The following ZYX variants were observed in gnomAD, a reference collection of about 807,000 sequenced individuals.
ZYX encodes the protein zyxin-2.
In ZYX, 37 loss-of-function variants were observed where a neutral mutation model predicts 58.1. The observed-to-expected ratio is 0.64, with a 90% CI of 0.49 to 0.84. ZYX has a LOEUF of 0.84. Among genes scored for constraint, ZYX ranks in the 40% least tolerant of loss-of-function variants. ZYX has a pLI of 0.00. For synonymous variants in ZYX, 324 were observed against 321.1 expected (o/e 1.01, Z -0.10); for missense variants, 762 against 761.6 (o/e 1.00, Z -0.01).
rs1805046252 is a variant in ZYX, at chr7:143,390,859, C to T, written c.*177C>T. On this transcript the variant is annotated 3_prime_UTR_variant, in exon 10 of 10. Transcript: ENST00000322764. The surrounding 1 kb of genome is among the most constrained non-coding windows in gnomAD (Gnocchi z 4.3). Reference sequence around the variant, plus strand: ...CCAACATGGTCTAGGGATGCAGGATCCCCGCCCTGGGGTCTGGTCCTCGCC... The same window carrying T: ...CCAACATGGTCTAGGGATGCAGGATTCCCGCCCTGGGGTCTGGTCCTCGCC... 1.7e-6 allele frequency: 1 copy of T among 596,906 alleles called. No individual in the cohort carries two copies. The highest frequency in any genetic ancestry group is 2.8e-5 in the Admixed American group (1 of 36,232). The allele number at this position is 596,906 out of a possible 1,614,324, so 37.0% of individuals were successfully genotyped here.
At position 143,390,454 on chromosome 7, in the gene ZYX, A is replaced by G. The variant is rs1448187586; in HGVS notation, c.1615-124A>G. 2 of 729,228 alleles carry G rather than the reference A, an allele frequency of 2.7e-6. No homozygotes were observed. The highest frequency in any genetic ancestry group is 3.5e-5 in the African/African-American group (2 of 56,914). 45.2% of individuals were successfully genotyped at this position (729,228 alleles called of 1,614,324 possible). On this transcript the variant is annotated intron_variant, in intron 9 of 9. Transcript: ENST00000322764. The surrounding 1 kb of genome is among the most constrained non-coding windows in gnomAD (Gnocchi z 4.3). ...GAGTTGGGTGTGGCTGGAAAAAGCGATGACACCAGCTCTGAGCCATGAAGC... is the reference window on the plus strand; with the variant it reads ...GAGTTGGGTGTGGCTGGAAAAAGCGGTGACACCAGCTCTGAGCCATGAAGC...
rs1804995768 is a variant in ZYX at position 143,389,571 on chromosome 7, C to T, written c.1494-286C>T. 6.6e-6 allele frequency among the ~76,000 whole-genome samples: 1 copy of T among 152,162 alleles called. No individual in the cohort carries two copies. Among genetic ancestry groups the T allele is most frequent in the African/African-American group, 2.4e-5 (1 of 41,432 alleles). Reference sequence around the variant, plus strand: ...GGGGTACCTCAGGGCTGGCTTTCTGCAGGAGCTGCAGTGTGAATGGGACAG... The same window carrying T: ...GGGGTACCTCAGGGCTGGCTTTCTGTAGGAGCTGCAGTGTGAATGGGACAG... On this transcript the variant is annotated intron_variant, in intron 8 of 9. Coordinates refer to ENST00000322764, the MANE Select transcript of ZYX (RefSeq NM_003461.5). This position sits in a 1 kb window ranked among gnomAD's most constrained non-coding sequence, Gnocchi z 5.6.
chr7:143,388,050 G>A lies in ZYX; in HGVS notation c.1024-169G>A, dbSNP rs1804930204. On this transcript the variant is annotated intron_variant, in intron 5 of 9. Coordinates refer to ENST00000322764, the MANE Select transcript of ZYX (RefSeq NM_003461.5). The surrounding 1 kb of genome is among the most constrained non-coding windows in gnomAD (Gnocchi z 7.5). ...CTTCCCCTGTTATTTGTGTGGTGCT[G>A]GGGATGGCGGGGGTAGGGGGACGAG... 5.5e-6 allele frequency: 4 copies of A among 721,620 alleles called. No individual in the cohort carries two copies. The highest frequency in any genetic ancestry group is 1.8e-5 in the South Asian group (1 of 54,754). 44.7% of individuals were successfully genotyped at this position (721,620 alleles called of 1,614,324 possible).
Position 143,381,684 on chromosome 7 carries a change from C to T in ZYX, c.113C>T (p.Pro38Leu). Residue 38 changes from proline to leucine, a missense_variant, in exon 2 of 10, where the codon CCC becomes CTC. Transcript: ENST00000322764. Reference protein sequence around the residue: ...PVVAPKPKVNPFRPGDSEPPP... With the variant: ...PVVAPKPKVNLFRPGDSEPPP... Reference sequence around the variant, plus strand: ...GTGGCCCCAAAGCCCAAAGTGAATCCCTTCCGGCCCGGGGACAGCGAGCCT... The same window carrying T: ...GTGGCCCCAAAGCCCAAAGTGAATCTCTTCCGGCCCGGGGACAGCGAGCCT... 2 of 1,609,504 alleles carry T rather than the reference C, an allele frequency of 1.2e-6. No individual in the cohort carries two copies. Among genetic ancestry groups the T allele is most frequent in the Non-Finnish European group, 1.7e-6 (2 of 1,178,370 alleles).
Position 143,390,489 on chromosome 7 carries a change from A to G in ZYX, c.1615-89A>G. On this transcript the variant is annotated intron_variant, in intron 9 of 9. Coordinates refer to ENST00000322764, the MANE Select transcript of ZYX (RefSeq NM_003461.5). The surrounding 1 kb of genome is among the most constrained non-coding windows in gnomAD (Gnocchi z 4.3). ...CTCTGAGCCATGAAGCATCTTTCTA[A>G]TTCCAAGATGGAGCTGGATGGGGTG... 1 of 985,210 alleles carries G rather than the reference A, an allele frequency of 1.0e-6. No homozygotes were observed. Among genetic ancestry groups the G allele is most frequent in the South Asian group, 1.5e-5 (1 of 68,218 alleles). The allele number at this position is 985,210 out of a possible 1,614,324, so 61.0% of individuals were successfully genotyped here. A position where few individuals can be genotyped will look rare whatever the true frequency, so the allele number is the denominator to read the frequency against.
In ZYX at chr7:143,384,934, T is replaced by C. The variant is rs9640381; in HGVS notation, c.1023+1612T>C. Among the ~76,000 whole-genome samples, 94,826 of 151,948 alleles carry C rather than the reference T, an allele frequency of 0.62. 30,805 individuals are homozygous for C. The highest frequency in any genetic ancestry group is 0.79 in the African/African-American group (32,796 of 41,452). ...CGTCATTCAGCTAGAAATCCAGGGC[T>C]AGGTTTCAGGAGAGGGCCAGAGATG... is the stretch of plus-strand genomic sequence containing the variant. On this transcript the variant is annotated intron_variant, in intron 5 of 9. Coordinates refer to ENST00000322764, the MANE Select transcript of ZYX (RefSeq NM_003461.5). The surrounding 1 kb of genome is among the most constrained non-coding windows in gnomAD (Gnocchi z 4.9).
rs768266251 is a variant in ZYX at position 143,382,392 on chromosome 7, C to T, written c.353C>T (p.Pro118Leu). 3.8e-6 allele frequency: 6 copies of T among 1,579,722 alleles called. No homozygotes were observed. In the Admixed American group the frequency reaches 5.7e-5, roughly 15 times the overall value. The change falls in exon 3 of 10, where the codon CCG becomes CTG. Residue 118 changes from proline (P) to leucine (L), a missense_variant. By Grantham distance (98) the Pro-to-Leu change is moderately conservative. Transcript: ENST00000322764. ...PLEEEIFPSP[P>L]PPPEEEGGPE... ...GAGGAGGAGATCTTCCCTTCCCCGC[C>T]GCCTCCTCCGGAGGAGGAGGGAGGG...
chr7:143,389,132 G>A lies in ZYX; in HGVS notation c.1493+187G>A, dbSNP rs903454227. 3.9e-5 allele frequency among the ~76,000 whole-genome samples: 6 copies of A among 152,226 alleles called. No homozygotes were observed. Among genetic ancestry groups the A allele is most frequent in the African/African-American group, 1.2e-4 (5 of 41,448 alleles). On this transcript the variant is annotated intron_variant, in intron 8 of 9. Transcript: ENST00000322764. This position sits in a 1 kb window ranked among gnomAD's most constrained non-coding sequence, Gnocchi z 5.6. ...TCCAGGGGCCTTAGGCCTGGGCATC[G>A]AGTCCTGCTGCTGTCTGGTCCCTCC...
At position 143,381,370 on chromosome 7, in the gene ZYX, G is replaced by A; in HGVS notation, c.-55G>A. ...GCAGAGTCTGCGGACCCGGCGCCGA[G>A]GCGGCCACCCGAGACGCGGCGCGCA... On this transcript the variant is annotated 5_prime_UTR_variant, in exon 1 of 10. Coordinates refer to ENST00000322764, the MANE Select transcript of ZYX (RefSeq NM_003461.5). The A allele has an allele frequency of 8.6e-7, 1 of 1,167,960 alleles. No individual in the cohort carries two copies. Among genetic ancestry groups the A allele is most frequent in the Non-Finnish European group, 1.1e-6 (1 of 944,840 alleles). 72.3% of individuals were successfully genotyped at this position (1,167,960 alleles called of 1,614,324 possible).
At chr7:143,385,660 C>CTTTTTTTTTTTTTTTTTTTTTTTT (rs59995035) in intron 5 of ZYX, among the ~76,000 whole-genome samples, 16 of 68,970 alleles carry the variant, frequency 2.3e-4, no homozygotes, top group Middle Eastern at 0.016. Flanking sequence ...TGTGGTATAT[C>CTTTTTTTTTTTTTTTTTTTTTTTT]TTTTTTTTTT....
At position 143,388,702 on chromosome 7, in the gene ZYX, T is replaced by C. The variant is rs1438811457; in HGVS notation, c.1314+44T>C. On this transcript the variant is annotated intron_variant, in intron 7 of 9. Coordinates refer to ENST00000322764, the MANE Select transcript of ZYX (RefSeq NM_003461.5). This position sits in a 1 kb window ranked among gnomAD's most constrained non-coding sequence, Gnocchi z 7.5. ...GGCTGTGCTGGGCTGTGCTGGGCAGTCGGGCCCTGGAAGCTTGCTGTGGGG... is the reference window on the plus strand; with the variant it reads ...GGCTGTGCTGGGCTGTGCTGGGCAGCCGGGCCCTGGAAGCTTGCTGTGGGG... 1.2e-6 allele frequency: 2 copies of C among 1,610,848 alleles called. No homozygotes were observed. The highest frequency in any genetic ancestry group is 1.7e-6 in the Non-Finnish European group (2 of 1,177,928).
At chr7:143,383,417 A>G (rs1222520286) in intron 5 of ZYX, 95 bp downstream of exon 5, 6 of 1,248,128 alleles carry the variant, frequency 4.8e-6, no homozygotes, top group Non-Finnish European at 6.4e-6. Context: ...TTGGAGAGTC[A>G]GGGTGGACAC....
chr7:143,387,587 G>C lies in ZYX; in HGVS notation c.1024-632G>C, dbSNP rs1489272624. ...TAAATGGGAAGGTTGGGCTGGCCTA[G>C]GGGGTGGCCTTTGGACCTTCTCTGA... On this transcript the variant is annotated intron_variant, in intron 5 of 9. Coordinates refer to ENST00000322764, the MANE Select transcript of ZYX (RefSeq NM_003461.5). The surrounding 1 kb of genome is among the most constrained non-coding windows in gnomAD (Gnocchi z 5.8). Among the ~76,000 whole-genome samples the C allele has an allele frequency of 1.3e-5, 2 of 152,190 alleles. No individual in the cohort carries two copies. Among genetic ancestry groups the C allele is most frequent in the Non-Finnish European group, 2.9e-5 (2 of 68,014 alleles).
rs1804632749 is a variant in ZYX, at chr7:143,382,163, G to T, written c.209-85G>T. 5 of 1,167,246 alleles carry T rather than the reference G, an allele frequency of 4.3e-6. No individual in the cohort carries two copies. The South Asian group carries it at 5.6e-5, about 13-fold the overall frequency. The allele number at this position is 1,167,246 out of a possible 1,614,324, so 72.3% of individuals were successfully genotyped here. A position where few individuals can be genotyped will look rare whatever the true frequency, so the allele number is the denominator to read the frequency against. The stretch of plus-strand genomic sequence containing the variant: ...CTGGGACCCCTGAGAGAGTTCTTGG[G>T]TTAGGGGTTAGAGCGGTTAACTGAG... On this transcript the variant is annotated intron_variant, in intron 2 of 9. Transcript: ENST00000322764.
rs1804927742 is a variant in ZYX at position 143,387,993 on chromosome 7, T to C, written c.1024-226T>C. Reference sequence around the variant, plus strand: ...GGGGTTTGGGCAGAGTGGGTGGAAATGTCTTGCTGTACGAGATCCAGGCTT... The same window carrying C: ...GGGGTTTGGGCAGAGTGGGTGGAAACGTCTTGCTGTACGAGATCCAGGCTT... On this transcript the variant is annotated intron_variant, in intron 5 of 9. Coordinates refer to ENST00000322764, the MANE Select transcript of ZYX (RefSeq NM_003461.5). This position sits in a 1 kb window ranked among gnomAD's most constrained non-coding sequence, Gnocchi z 5.8. The C allele has an allele frequency of 5.0e-6, 3 of 603,174 alleles. No homozygotes were observed. The highest frequency in any genetic ancestry group is 9.1e-6 in the Non-Finnish European group (3 of 330,230). 37.4% of individuals were successfully genotyped at this position (603,174 alleles called of 1,614,324 possible).
rs1241210435 is a variant in ZYX at position 143,388,687 on chromosome 7, G to T, written c.1314+29G>T. The T allele has an allele frequency of 3.1e-6, 5 of 1,611,656 alleles. No individual in the cohort carries two copies. The African/African-American group carries it at 6.7e-5, about 22-fold the overall frequency. On this transcript the variant is annotated intron_variant, in intron 7 of 9. Coordinates refer to ENST00000322764, the MANE Select transcript of ZYX (RefSeq NM_003461.5). This position sits in a 1 kb window ranked among gnomAD's most constrained non-coding sequence, Gnocchi z 7.5. ...AGTCGGGCTGTGCTGGGCTGTGCTG[G>T]GCTGTGCTGGGCAGTCGGGCCCTGG...
intron 5 of ZYX, among the ~76,000 whole-genome samples, chr7:143,383,555 A>T (rs1563107756): frequency 6.6e-6 from 1 of 151,714 alleles, no homozygotes. Context: ...CCTGGCTGGG[A>T]CGGCGCAGAG....
rs370831254 is a variant in ZYX at position 143,382,243 on chromosome 7, C to G, written c.209-5C>G. The G allele has an allele frequency of 3.7e-6, 6 of 1,611,916 alleles. No individual in the cohort carries two copies. Among genetic ancestry groups the G allele is most frequent in the South Asian group, 2.2e-5 (2 of 90,886 alleles). On this transcript the variant is annotated splice_region_variant and splice_polypyrimidine_tract_variant and intron_variant, in intron 2 of 9. Coordinates refer to ENST00000322764, the MANE Select transcript of ZYX (RefSeq NM_003461.5). ...CGGCCGACGTCTTTCTCCTTCCTAC[C>G]CCAGACTTTCCCCTGCCTCCACCTC...
chr7:143,383,334 T>G lies in ZYX; in HGVS notation c.1023+12T>G. On this transcript the variant is annotated intron_variant, in intron 5 of 9. Transcript: ENST00000322764. ...AGAACCAAAACCAGGTGAGGGATGG[T>G]GATAGGACAAGGCTTGGTACCAGGG... 1 of 1,587,800 alleles carries G rather than the reference T, an allele frequency of 6.3e-7. No homozygotes were observed. Among genetic ancestry groups the G allele is most frequent in the African/African-American group, 1.4e-5 (1 of 74,044 alleles).
Sources: gnomAD v4.1 joint callset for allele counts (sites outside exome capture counted in the v4.1 genomes callset) on GRCh38, gnomAD v4.1.1 for gene constraint, Gnocchi (gnomAD v3.1) non-coding constraint, MANE v1.5 for transcripts, NCBI Gene and HGNC (gene_info 2026-07-23, HGNC 2026-07-21) for gene names.